The following VPS13A variants were observed in gnomAD, a reference collection of about 807,000 sequenced individuals.
VPS13A encodes vacuolar protein sorting 13 homolog A, also known as intermembrane lipid transfer protein VPS13A.
A neutral mutation model predicts 390.9 loss-of-function variants in VPS13A; 264 were observed. That is an observed-to-expected ratio of 0.68 (90% CI 0.61 to 0.75). VPS13A has a LOEUF of 0.75. Among genes scored for constraint, VPS13A ranks in the 30% least tolerant of loss-of-function variants. The probability of loss-of-function intolerance (pLI) is 0.00; values close to 1 mark genes in which losing one functional copy is unlikely to be tolerated. For synonymous variants in VPS13A, 1,231 were observed against 1,227.1 expected (o/e 1.00, Z -0.07); for missense variants, 3,409 against 3,733.9 (o/e 0.91, Z 2.27).
intron 10 of VPS13A, among the ~76,000 whole-genome samples, chr9:77,218,548 A>C (rs990258372): frequency 3.9e-5 from 6 of 152,056 alleles, no homozygotes; most frequent in African/African-American, 1.4e-4. Flanking sequence ...TTGATATTTT[A>C]ATAATCTCTC....
At chr9:77,372,259 G>C (rs985185767) in intron 67 of VPS13A, among the ~76,000 whole-genome samples, 31 of 151,712 alleles carry the variant, frequency 2.0e-4, no homozygotes, top group Non-Finnish European at 4.0e-4. Context: ...CTAGTTTACA[G>C]TCCCACCAAC....
chr9:77,414,538 A>G (rs1414089870), intron 71 of VPS13A, among the ~76,000 whole-genome samples: 1 of 151,886 alleles, frequency 6.6e-6, no homozygotes, highest in Admixed American at 6.6e-5. Flanking sequence ...GAATTGAACA[A>G]TGAGAACACA....
At position 77,281,899 on chromosome 9, in the gene VPS13A, C is replaced by A. The variant is rs1352827468; in HGVS notation, c.2937C>A (p.Thr979=). The A allele has an allele frequency of 6.2e-7, 1 of 1,603,098 alleles. No individual in the cohort carries two copies. The highest frequency in any genetic ancestry group is 1.1e-5 in the South Asian group (1 of 90,360). Residue 979 remains threonine, a synonymous_variant, in exon 28 of 72, where the codon ACC becomes ACA. Coordinates refer to ENST00000360280, the MANE Select transcript of VPS13A (RefSeq NM_033305.3). ...AEKNVPDLKS[T]YNNVLQLIKV... ...AGAATGTACCCGACTTGAAAAGTAC[C>A]TATAACAATGTTTTACAATTGATTA...
rs1034615490 is a variant in VPS13A at position 77,420,249 on chromosome 9, T to C, written c.*4243T>C. ...CTGTTACAGCAAACTTTTCTCCCAC[T>C]GTCATAATTGGTCTAAAGTAGTATT... On this transcript the variant is annotated 3_prime_UTR_variant, in exon 72 of 72. Transcript: ENST00000360280. 17 of 152,224 alleles carry C rather than the reference T, an allele frequency of 1.1e-4. No individual in the cohort carries two copies. The highest frequency in any genetic ancestry group is 2.1e-4 in the Non-Finnish European group (14 of 68,042). 9.4% of individuals were successfully genotyped at this position (152,224 alleles called of 1,614,324 possible).
intron 17 of VPS13A, among the ~76,000 whole-genome samples, chr9:77,230,668 TC>T (rs1420087958): frequency 6.6e-6 from 1 of 152,114 alleles, no homozygotes; most frequent in Non-Finnish European, 1.5e-5. Flanking sequence ...GTATGACTCT[TC>T]CAGTTTTGTT....
intron 17 of VPS13A, among the ~76,000 whole-genome samples, chr9:77,230,564 T>TA (rs1259778091): frequency 6.6e-6 from 1 of 152,128 alleles, no homozygotes; most frequent in Non-Finnish European, 1.5e-5. Flanking sequence ...TCTAGACTCT[T>TA]AATTCTAATC....
At chr9:77,319,195 C>CTA (rs563428758) in intron 41 of VPS13A, among the ~76,000 whole-genome samples, 14 of 123,490 alleles carry the variant, frequency 1.1e-4, no homozygotes, top group Non-Finnish European at 2.2e-4. Context: ...GACCCAGACT[C>CTA]AAAAAAAAAA....
chr9:77,292,183 C>A (rs1291867021), intron 31 of VPS13A, among the ~76,000 whole-genome samples: 2 of 152,118 alleles, frequency 1.3e-5, no homozygotes, highest in African/African-American at 4.8e-5. Context: ...CCACTTGCAC[C>A]CATCTCCCGT....
At chr9:77,276,489 T>C (rs1826678693) in intron 26 of VPS13A, among the ~76,000 whole-genome samples, 1 of 152,218 alleles carries the variant, frequency 6.6e-6, no homozygotes, top group Non-Finnish European at 1.5e-5. Context: ...GAACACTTAA[T>C]TAGTTTTCTA....
chr9:77,393,245 A>G (rs760143608), intron 68 of VPS13A, among the ~76,000 whole-genome samples: 2 of 152,166 alleles, frequency 1.3e-5, no homozygotes, highest in African/African-American at 2.4e-5. Context: ...GATTGTAACA[A>G]TTCAGTTACC....
At chr9:77,312,505 C>T (rs1829141684) in intron 35 of VPS13A, among the ~76,000 whole-genome samples, 1 of 151,814 alleles carries the variant, frequency 6.6e-6, no homozygotes. Flanking sequence ...CAGCTCACTG[C>T]AAGCTCCGCC....
chr9:77,384,745 C>G, intron 68 of VPS13A: 1 of 1,544,392 alleles, frequency 6.5e-7, no homozygotes, highest in Non-Finnish European at 8.7e-7. Flanking sequence ...TGACTTATAC[C>G]ATAATGCCCA....
At chr9:77,208,553 T>G (rs1480441266) in intron 5 of VPS13A, among the ~76,000 whole-genome samples, 2 of 152,008 alleles carry the variant, frequency 1.3e-5, no homozygotes, top group Admixed American at 1.3e-4. Flanking sequence ...TTATTCTTGG[T>G]TTTTCTTTTT....
chr9:77,362,022 C>CTTTT (rs1233375039), intron 59 of VPS13A, among the ~76,000 whole-genome samples: 14 of 151,936 alleles, frequency 9.2e-5, no homozygotes, highest in Non-Finnish European at 2.9e-5. Context: ...AGTTATTTGT[C>CTTTT]TTTTTTCTTA....
At chr9:77,217,467 C>G (rs1333342978) in intron 10 of VPS13A, among the ~76,000 whole-genome samples, 2 of 152,150 alleles carry the variant, frequency 1.3e-5, no homozygotes, top group Non-Finnish European at 2.9e-5. Flanking sequence ...TCTCCCATTT[C>G]TCTACCTTTC....
chr9:77,212,242 C>G (rs548256099), intron 7 of VPS13A, among the ~76,000 whole-genome samples: 1 of 152,104 alleles, frequency 6.6e-6, no homozygotes, highest in Admixed American at 6.5e-5. Context: ...TAAACCGACC[C>G]CAGGCAATAT....
chr9:77,332,056 C>T lies in VPS13A; in HGVS notation c.6038C>T (p.Thr2013Ile). ...CCACTGTCTGTTTACGAAGGGGATA[C>T]CTTATTGGGAACTGCCTCACCTGAA... ...SVPLSVYEGDTLLGTASPENE... is the reference protein window; with the variant it reads ...SVPLSVYEGDILLGTASPENE... Residue 2013 changes from threonine to isoleucine, a missense_variant, in exon 46 of 72, where the codon ACC becomes ATC. Around this residue, in one of 5 missense-constraint regions of VPS13A, gnomAD observed 2,717 missense variants for 2,917.4 expected, o/e 0.93. Transcript: ENST00000360280. The T allele has an allele frequency of 6.2e-7, 1 of 1,612,118 alleles. No homozygotes were observed. The highest frequency in any genetic ancestry group is 2.2e-5 in the East Asian group (1 of 44,678).
At chr9:77,198,204 T>C (rs543021464) in intron 1 of VPS13A, among the ~76,000 whole-genome samples, 13 of 152,216 alleles carry the variant, frequency 8.5e-5, no homozygotes, top group African/African-American at 2.6e-4. Context: ...GGGCCCGGAA[T>C]TGGATCCTCA....
At chr9:77,249,830 T>C (rs894172778) in intron 20 of VPS13A, among the ~76,000 whole-genome samples, 2 of 152,192 alleles carry the variant, frequency 1.3e-5, no homozygotes, top group African/African-American at 2.4e-5. Flanking sequence ...TTTAAAAAAT[T>C]TGTAGACATA....
Sources: allele counts gnomAD v4.1 joint callset (sites outside exome capture counted in the v4.1 genomes callset), GRCh38; gene constraint gnomAD v4.1.1; regional missense constraint gnomAD v4.1.1; transcripts MANE v1.5; gene names NCBI Gene and HGNC (gene_info 2026-07-23, HGNC 2026-07-21).